PRKN: variants seen among roughly 807,000 people sequenced by gnomAD.
The protein encoded by PRKN is E3 ubiquitin-protein ligase parkin.
In PRKN, 56 loss-of-function variants were observed where a neutral mutation model predicts 59.5. The ratio of observed to expected loss-of-function variants is 0.94; its 90% CI spans 0.76 to 1.18. The LOEUF (loss-of-function observed/expected upper bound fraction) is 1.18. PRKN is among the 50% of genes most tolerant of loss of function. The pLI is 0.00. For missense variants in PRKN, 657 were observed against 596.4 expected (o/e 1.10, Z -1.06); for synonymous variants, 250 against 222.1 (o/e 1.13, Z -1.12).
intron 1 of PRKN, among the ~76,000 whole-genome samples, chr6:162,478,938 C>T (rs990874764): frequency 6.6e-6 from 1 of 152,104 alleles, no homozygotes; most frequent in East Asian, 1.9e-4. Context: ...GAGCGAGTGG[C>T]GAGTGAATGG....
chr6:162,709,862 T>C (rs1778464479), intron 1 of PRKN, among the ~76,000 whole-genome samples: 1 of 134,912 alleles, frequency 7.4e-6, no homozygotes, highest in Non-Finnish European at 1.5e-5. Flanking sequence ...CCCTGGAATC[T>C]GAGAGCGAAT....
chr6:161,675,511 G>A (rs571803329), intron 7 of PRKN, among the ~76,000 whole-genome samples: 4 of 152,128 alleles, frequency 2.6e-5, no homozygotes, highest in Admixed American at 1.3e-4. Context: ...TGATAAAAAC[G>A]CAAAGACAAC....
chr6:162,625,160 C>T (rs1047278113), intron 1 of PRKN, among the ~76,000 whole-genome samples: 13 of 152,158 alleles, frequency 8.5e-5, no homozygotes, highest in Non-Finnish European at 1.5e-4. Context: ...CAGCTTCTGT[C>T]GTGGAGTGAG....
intron 9 of PRKN, among the ~76,000 whole-genome samples, chr6:161,535,239 C>T (rs948640318): frequency 9.9e-5 from 15 of 152,146 alleles, no homozygotes; most frequent in Non-Finnish European, 7.3e-5. Flanking sequence ...GGGGCGAATA[C>T]AATTTTACGG....
chr6:162,561,636 G>C (rs1172837729), intron 1 of PRKN, among the ~76,000 whole-genome samples: 1 of 152,184 alleles, frequency 6.6e-6, no homozygotes, highest in Non-Finnish European at 1.5e-5. Context: ...TGGGGGCGAA[G>C]AGCATCTCTG....
rs760223151 is a variant in PRKN, at chr6:161,350,211, C to T, written c.1286G>A (p.Gly429Glu). The change falls in exon 12 of 12, where the codon GGA (glycine) becomes GAA (glutamate). Residue 429 changes from glycine (G) to glutamate (E), a missense_variant and splice_region_variant. Coordinates refer to ENST00000366898, the MANE Select transcript of PRKN (RefSeq NM_004562.3). ...PRCHVPVEKN[G>E]GCMHMKCPQP... The stretch of plus-strand genomic sequence containing the variant: ...CGGACACTTCATGTGCATGCAGCCT[C>T]CTGTTGGGGGCAGAAAACAAAGGTG... 1.6e-5 allele frequency: 25 copies of T among 1,610,928 alleles called. No individual in the cohort carries two copies. Among genetic ancestry groups the T allele is most frequent in the Non-Finnish European group, 2.1e-5 (25 of 1,177,940 alleles).
intron 6 of PRKN, among the ~76,000 whole-genome samples, chr6:161,969,060 GA>G (rs1313442652): frequency 2.0e-5 from 3 of 152,138 alleles, no homozygotes; most frequent in Non-Finnish European, 4.4e-5. Flanking sequence ...AAATTATGCT[GA>G]AAGAGAGGCA....
chr6:161,375,405 C>T (rs1001890606), intron 10 of PRKN, among the ~76,000 whole-genome samples: 9 of 152,226 alleles, frequency 5.9e-5, no homozygotes, highest in Non-Finnish European at 1.2e-4. Flanking sequence ...TGTGTGTACC[C>T]ACGCAAGCAT....
chr6:161,718,623 C>T (rs957927436), intron 7 of PRKN, among the ~76,000 whole-genome samples: 1 of 152,120 alleles, frequency 6.6e-6, no homozygotes, highest in African/African-American at 2.4e-5. Context: ...AGAGAAACAG[C>T]CCAGTGGCCT....
At chr6:161,851,732 C>T (rs538943999) in intron 6 of PRKN, among the ~76,000 whole-genome samples, 8 of 151,412 alleles carry the variant, frequency 5.3e-5, no homozygotes, top group Non-Finnish European at 7.4e-5. Context: ...GTGATCCACC[C>T]GCTGAAGTCC....
At chr6:161,748,729 C>T (rs62439170) in intron 7 of PRKN, among the ~76,000 whole-genome samples, 448 of 152,184 alleles carry the variant, frequency 2.9e-3, no homozygotes, top group Non-Finnish European at 4.6e-3. Flanking sequence ...TGGGAAGACG[C>T]GGGGAGTGTA....
intron 6 of PRKN, among the ~76,000 whole-genome samples, chr6:161,898,882 G>C (rs952665015): frequency 6.6e-6 from 1 of 152,186 alleles, no homozygotes; most frequent in African/African-American, 2.4e-5. Flanking sequence ...GAAGAATCTA[G>C]AAAAGTGATG....
At chr6:162,316,634 T>G (rs2128119949) in intron 2 of PRKN, among the ~76,000 whole-genome samples, 1 of 152,188 alleles carries the variant, frequency 6.6e-6, no homozygotes, top group South Asian at 2.1e-4. Context: ...GCTCTAGAAA[T>G]TGGGGCCTTT....
chr6:161,712,420 C>T (rs937745132), intron 7 of PRKN, among the ~76,000 whole-genome samples: 7 of 152,152 alleles, frequency 4.6e-5, no homozygotes, highest in Non-Finnish European at 7.4e-5. Flanking sequence ...TAATACTCCT[C>T]AAAGAACATC....
intron 3 of PRKN, among the ~76,000 whole-genome samples, chr6:162,238,282 A>C (rs926948245): frequency 6.6e-6 from 1 of 152,170 alleles, no homozygotes; most frequent in Non-Finnish European, 1.5e-5. Context: ...AACATGCTGC[A>C]TGGGTTTGTT....
At chr6:162,555,719 G>A (rs1004444584) in intron 1 of PRKN, among the ~76,000 whole-genome samples, 17 of 151,940 alleles carry the variant, frequency 1.1e-4, no homozygotes, top group Admixed American at 6.6e-5. Flanking sequence ...ATTCAAGGCC[G>A]GTGGCTCACG....
chr6:161,844,060 T>C (rs1015445263), intron 6 of PRKN, among the ~76,000 whole-genome samples: 1 of 152,096 alleles, frequency 6.6e-6, no homozygotes, highest in Non-Finnish European at 1.5e-5. Flanking sequence ...AAATTTAGAA[T>C]AGTTAGCAGC....
intron 5 of PRKN, 148 bp from the exon 6 acceptor site, chr6:161,973,565 C>T: frequency 2.9e-6 from 2 of 679,674 alleles, no homozygotes; most frequent in South Asian, 3.1e-5. Flanking sequence ...AAACCTTTCC[C>T]AGGAACGGAT....
intron 2 of PRKN, among the ~76,000 whole-genome samples, chr6:162,349,762 G>A (rs1042134145): frequency 6.6e-6 from 1 of 152,156 alleles, no homozygotes; most frequent in African/African-American, 2.4e-5. Flanking sequence ...GTAAAAGACT[G>A]AAGGCTTTCC....
Sources: gnomAD v4.1 joint callset for allele counts (sites outside exome capture counted in the v4.1 genomes callset) on GRCh38, gnomAD v4.1.1 for gene constraint, MANE v1.5 for transcripts, NCBI Gene and HGNC (gene_info 2026-07-23, HGNC 2026-07-21) for gene names.